MRPS6: variants seen among roughly 807,000 people sequenced by gnomAD.
MRPS6 encodes the protein mitochondrial ribosomal protein S6.
In MRPS6, 6 loss-of-function variants were observed where a neutral mutation model predicts 13.1. The observed-to-expected ratio is 0.46, with a 90% CI of 0.25 to 0.91. MRPS6 has a LOEUF of 0.91. Ranked by LOEUF, MRPS6 falls within the 40% of genes least tolerant of loss-of-function variation. The pLI is 0.18. For synonymous variants in MRPS6, 61 were observed against 56.5 expected, an observed-to-expected ratio of 1.08 and a Z score of -0.36; for missense variants, 164 against 155.6, an observed-to-expected ratio of 1.05 and a Z score of -0.29.
rs552580937 is a variant in MRPS6, at chr21:34,082,317, T to C, written c.45+8572T>C. On this transcript the variant is annotated intron_variant, in intron 1 of 2. Transcript: ENST00000399312. ...TCTATAGTTTCGGATTGTTGGGTTG[T>C]ATATGTGCATTTAGGCTAAAATATA... Among the ~76,000 whole-genome samples the C allele has an allele frequency of 7.2e-5, 11 of 152,312 alleles. No homozygotes were observed. In the South Asian group the frequency reaches 2.3e-3, roughly 32 times the overall value.
chr21:34,105,449 C>A, intron 1 of MRPS6: 1 of 999,268 alleles, frequency 1.0e-6, no homozygotes. Flanking sequence ...AGCCAAATGT[C>A]AGCAGAGTGC....
intron 1 of MRPS6, among the ~76,000 whole-genome samples, chr21:34,107,675 A>C (rs1484969327): frequency 6.6e-6 from 1 of 151,884 alleles, no homozygotes; most frequent in Non-Finnish European, 1.5e-5. Context: ...TTTCCTGTTC[A>C]TTTGTCAGTA....
chr21:34,078,348 A>G (rs1989382767), intron 1 of MRPS6, among the ~76,000 whole-genome samples: 1 of 152,212 alleles, frequency 6.6e-6, no homozygotes. Context: ...CTATTGAAGA[A>G]GGAAGGAGTC....
chr21:34,097,392 A>C, intron 1 of MRPS6: 1 of 1,511,960 alleles, frequency 6.6e-7, no homozygotes, highest in Non-Finnish European at 8.8e-7. Flanking sequence ...TTAAGACAAT[A>C]CTGACTGGTC....
At position 34,073,712 on chromosome 21, in the gene MRPS6, C is replaced by T. The variant is rs746268274; in HGVS notation, c.12C>T (p.Tyr4=). Residue 4 remains tyrosine, a synonymous_variant, in exon 1 of 3, where the codon TAC becomes TAT. Transcript: ENST00000399312. MPR[Y]ELALILKAMQ... ...CCGATCCTCCAGGCATGCCCCGCTA[C>T]GAGCTGGCTTTAATCCTGAAAGCCA... 3 of 1,527,642 alleles carry T rather than the reference C, an allele frequency of 2.0e-6. No homozygotes were observed. Among genetic ancestry groups the T allele is most frequent in the African/African-American group, 2.9e-5 (2 of 69,270 alleles). 94.6% of individuals were successfully genotyped at this position (1,527,642 alleles called of 1,614,324 possible).
intron 1 of MRPS6, chr21:34,098,530 A>C: frequency 2.0e-6 from 2 of 1,000,142 alleles, no homozygotes; most frequent in South Asian, 9.4e-5. Context: ...AGTGACTTAG[A>C]GCATAAGGAT....
chr21:34,136,490 C>A (rs1273277360), intron 2 of MRPS6, among the ~76,000 whole-genome samples: 2 of 152,168 alleles, frequency 1.3e-5, no homozygotes, highest in Non-Finnish European at 2.9e-5. Flanking sequence ...TTGGTGTGGT[C>A]AGCCTTTTTA....
At chr21:34,141,796 G>A (rs535407319) in intron 2 of MRPS6, among the ~76,000 whole-genome samples, 1 of 152,294 alleles carries the variant, frequency 6.6e-6, no homozygotes, top group Admixed American at 6.5e-5. Context: ...TGAGCCGTGC[G>A]GGATGCCCGT....
intron 2 of MRPS6, chr21:34,135,780 C>T: frequency 2.0e-6 from 1 of 501,316 alleles, no homozygotes; most frequent in Non-Finnish European, 4.0e-6. Context: ...TGATGATGCG[C>T]ACAGTCATGA....
chr21:34,131,021 A>T (rs1273495059), intron 2 of MRPS6, among the ~76,000 whole-genome samples: 1 of 152,238 alleles, frequency 6.6e-6, no homozygotes, highest in East Asian at 1.9e-4. Context: ...CACTTGTGCC[A>T]TGTAGCACAT....
intron 1 of MRPS6, chr21:34,125,136 G>A (rs1569423754): frequency 3.4e-5 from 26 of 757,596 alleles, no homozygotes; most frequent in East Asian, 2.6e-4. Flanking sequence ...GATATTCCTC[G>A]TATCTGTGAG....
At chr21:34,095,147 A>G (rs1217782051) in intron 1 of MRPS6, 22 of 1,513,028 alleles carry the variant, frequency 1.5e-5, no homozygotes, top group Non-Finnish European at 1.8e-5. Flanking sequence ...AAAAATAAAT[A>G]AAAAGTTGGA....
chr21:34,091,075 G>A (rs561804262), intron 1 of MRPS6, among the ~76,000 whole-genome samples: 19 of 152,290 alleles, frequency 1.2e-4, no homozygotes, highest in African/African-American at 3.9e-4. Context: ...TCAATTATTA[G>A]CTGGCTAAGT....
chr21:34,090,489 G>C (rs1015560169), intron 1 of MRPS6, among the ~76,000 whole-genome samples: 2 of 152,100 alleles, frequency 1.3e-5, no homozygotes, highest in African/African-American at 4.8e-5. Flanking sequence ...GAGACAGTTG[G>C]GAGTCTAAAA....
At chr21:34,081,946 A>G (rs1302556904) in intron 1 of MRPS6, among the ~76,000 whole-genome samples, 2 of 151,360 alleles carry the variant, frequency 1.3e-5, no homozygotes, top group African/African-American at 4.9e-5. Flanking sequence ...GGTGCTTACT[A>G]CTCTGCTCCC....
chr21:34,138,865 C>T (rs1980799761), intron 2 of MRPS6, among the ~76,000 whole-genome samples: 1 of 151,966 alleles, frequency 6.6e-6, no homozygotes, highest in Non-Finnish European at 1.5e-5. Context: ...ATAAATCATG[C>T]TGCTATAAAG....
chr21:34,111,372 C>T (rs544728663), intron 1 of MRPS6, among the ~76,000 whole-genome samples: 1 of 152,182 alleles, frequency 6.6e-6, no homozygotes, highest in African/African-American at 2.4e-5. Flanking sequence ...TCAGAAAGTT[C>T]TAAACTTTAA....
intron 1 of MRPS6, among the ~76,000 whole-genome samples, chr21:34,080,846 C>T (rs748507484): frequency 2.9e-4 from 44 of 152,348 alleles, no homozygotes; most frequent in Non-Finnish European, 4.1e-4. Flanking sequence ...TATGATACAG[C>T]GTGTTGACCT....
intron 1 of MRPS6, chr21:34,098,588 T>C: frequency 2.0e-6 from 2 of 1,000,286 alleles, no homozygotes; most frequent in Non-Finnish European, 2.4e-6. Flanking sequence ...AGTGCATACT[T>C]TGCTGTTGTT....
Sources: allele counts gnomAD v4.1 joint callset (sites outside exome capture counted in the v4.1 genomes callset), GRCh38; gene constraint gnomAD v4.1.1; transcripts MANE v1.5; gene names NCBI Gene and HGNC (gene_info 2026-07-23, HGNC 2026-07-21).